Variants in OGG1 observed in about 807,000 individuals in gnomAD.
OGG1 encodes the protein N-glycosylase/DNA lyase.
A neutral mutation model predicts 42.3 loss-of-function variants in OGG1; 35 were observed. That is an observed-to-expected ratio of 0.83 (90% confidence interval 0.63 to 1.10). OGG1 has a LOEUF of 1.10. Among genes scored for constraint, OGG1 ranks in the 50% least tolerant of loss-of-function variants. OGG1 has a pLI of 0.00. For missense variants in OGG1, 484 were observed against 446.7 expected (o/e 1.08, Z -0.75); for synonymous variants, 189 against 179.0 (o/e 1.06, Z -0.44).
chr3:9,788,819 C>T (rs188219353), downstream of OGG1, among the ~76,000 whole-genome samples: 6 of 151,480 alleles, frequency 4.0e-5, no homozygotes, highest in South Asian at 2.1e-4. Context: ...GGATTACAGG[C>T]GTGAGGTGAC....
At chr3:9,756,702 A>G in intron 5 of OGG1, 65 bp from the exon 6 acceptor site, 1 of 1,613,538 alleles carries the variant, frequency 6.2e-7, no homozygotes, top group Non-Finnish European at 8.5e-7. Context: ...TCTCCCTCAG[A>G]CCCTACTTCT....
downstream of OGG1, chr3:9,761,439 A>C: frequency 6.2e-7 from 1 of 1,600,252 alleles, no homozygotes. Flanking sequence ...GCCACAGCCT[A>C]CCATGGCCAA....
intron 3 of OGG1, chr3:9,781,660 G>A (rs2078469157): frequency 2.3e-6 from 1 of 435,552 alleles, no homozygotes; most frequent in Admixed American, 2.4e-5. Context: ...TTTCATCGAT[G>A]GTGGAGCTGG....
Position 9,757,119 on chromosome 3 carries a change from G to T in OGG1, c.1007G>T (p.Arg336Leu). 6.2e-7 allele frequency: 1 copy of T among 1,614,100 alleles called. No homozygotes were observed. The highest frequency in any genetic ancestry group is 1.1e-5 in the South Asian group (1 of 91,088). Residue 336 changes from arginine to leucine, a missense_variant, in exon 7 of 7, where the codon CGC becomes CTC. Arg to Leu is a moderately radical substitution (Grantham distance 102). Coordinates refer to ENST00000344629, the MANE Select transcript of OGG1 (RefSeq NM_002542.6). The surrounding 1 kb of genome is among the most constrained non-coding windows in gnomAD (Gnocchi z 4.5). The part of the protein sequence containing the change: ...SRHAQEPPAK[R>L]RKGSKGPEG ...CATGCTCAGGAGCCACCAGCAAAGC[G>T]CAGAAAGGGTTCCAAAGGGCCGGAA... is the stretch of plus-strand genomic sequence containing the variant.
chr3:9,750,718 C>T (rs1559679492), intron 1 of OGG1: 7 of 680,644 alleles, frequency 1.0e-5, no homozygotes, highest in Non-Finnish European at 1.5e-5. Flanking sequence ...CCAGCCTCGA[C>T]CCCCCGGGCG....
At chr3:9,782,335 G>C (rs1464795369) in intron 3 of OGG1, among the ~76,000 whole-genome samples, 2 of 152,210 alleles carry the variant, frequency 1.3e-5, no homozygotes. Context: ...GTGACCTTCA[G>C]CAGAGCATTT....
downstream of OGG1, chr3:9,760,334 T>G (rs2077794304): frequency 3.6e-6 from 1 of 275,320 alleles, no homozygotes; most frequent in Non-Finnish European, 7.1e-6. Flanking sequence ...CAGGTTTGCT[T>G]CTTAATAGGG....
intron 3 of OGG1, chr3:9,785,325 T>C (rs199891591): frequency 4.5e-5 from 73 of 1,613,864 alleles, no homozygotes; most frequent in Non-Finnish European, 2.5e-6. Flanking sequence ...CCTGAAGGGC[T>C]TGTTCTGATT....
Position 9,751,937 on chromosome 3 carries a change from C to T in OGG1, c.553C>T (p.Gln185Ter), listed in dbSNP as rs752053757. 9 of 1,613,996 alleles carry T rather than the reference C, an allele frequency of 5.6e-6. No homozygotes were observed. The African/African-American group carries it at 1.1e-4, about 19-fold the overall frequency. Residue 185 changes from glutamine (Q) to a stop codon, truncating the protein, a stop_gained, in exon 3 of 7, where the codon CAG (glutamine) becomes TAG (stop). Transcript: ENST00000344629. LOFTEE classifies it high-confidence loss of function. ...DVTYHGFPSLQALAGPEVEAH... is the reference protein window; with the variant it reads ...DVTYHGFPSL The stretch of plus-strand genomic sequence containing the variant: ...CACCTACCATGGCTTCCCCAGCCTG[C>T]AGGCCCTGGCTGGTGAGTAGGTGGG...
At chr3:9,764,522 G>A (rs755260658) in intron 7 of OGG1, among the ~76,000 whole-genome samples, 4 of 151,750 alleles carry the variant, frequency 2.6e-5, no homozygotes, top group Non-Finnish European at 4.4e-5. Context: ...ATGTTGGTCA[G>A]GCTGGTTTGG....
rs2077249578 is a variant in OGG1, at chr3:9,750,487, G to C, written c.137+64G>C. Reference sequence around the variant, plus strand: ...GGCTCCTGCCGCCTCAACACTGCCTGGCATGGGGTACAAAGGAATTTGGGG... The same window carrying C: ...GGCTCCTGCCGCCTCAACACTGCCTCGCATGGGGTACAAAGGAATTTGGGG... On this transcript the variant is annotated intron_variant, in intron 1 of 6. Coordinates refer to ENST00000344629, the MANE Select transcript of OGG1 (RefSeq NM_002542.6). The C allele has an allele frequency of 3.1e-6, 5 of 1,604,850 alleles. No individual in the cohort carries two copies. In the South Asian group the frequency reaches 5.5e-5, roughly 18 times the overall value.
In OGG1 at chr3:9,780,382, C is replaced by T. The variant is rs937468169; in HGVS notation, c.295-1131C>T. ...CTACCCATCCAGCAGCTTCAGGATG[C>T]TCTCACGCTCCTTCAGAGTCTTCCA... On this transcript the variant is annotated intron_variant, in intron 2 of 3. Transcript: ENST00000426518. The T allele has an allele frequency of 2.5e-6, 4 of 1,613,206 alleles. No individual in the cohort carries two copies. The highest frequency in any genetic ancestry group is 1.7e-5 in the Admixed American group (1 of 59,898).
chr3:9,780,343 G>C, intron 2 of OGG1: 1 of 1,605,226 alleles, frequency 6.2e-7, no homozygotes, highest in Non-Finnish European at 8.5e-7. Flanking sequence ...ATCAGCCTGA[G>C]GCAGGGGTGA....
chr3:9,754,013 C>T (rs2077426168), intron 3 of OGG1, among the ~76,000 whole-genome samples: 1 of 152,096 alleles, frequency 6.6e-6, no homozygotes, highest in Non-Finnish European at 1.5e-5. Flanking sequence ...GTGACACAAG[C>T]CTGTAGTCTC....
At chr3:9,790,054 C>T (rs571164701), downstream of OGG1, 37 of 1,439,544 alleles carry the variant, frequency 2.6e-5, 1 homozygote, top group South Asian at 4.8e-4. Flanking sequence ...CTAGAATCTA[C>T]AGAGGCTCCT....
intron 3 of OGG1, among the ~76,000 whole-genome samples, chr3:9,752,529 C>CAAAAAA (rs144337359): frequency 1.9e-4 from 14 of 75,008 alleles, no homozygotes; most frequent in Admixed American, 6.2e-4. Flanking sequence ...GACTCTGTCT[C>CAAAAAA]AAAAAAAAAA....
chr3:9,766,158 G>A, exon 8 of OGG1: 1 of 962,694 alleles, frequency 1.0e-6, no homozygotes. Context: ...TGTTGAGCTG[G>A]TAGGATGTAA....
Position 9,751,918 on chromosome 3 carries a change from C to T in OGG1, c.534C>T (p.Tyr178=), listed in dbSNP as rs1246338693. The part of the protein sequence containing the change: ...PRLIQLDDVT[Y]HGFPSLQALA... Reference sequence around the variant, plus strand: ...TCATCCAGCTTGATGATGTCACCTACCATGGCTTCCCCAGCCTGCAGGCCC... The same window carrying T: ...TCATCCAGCTTGATGATGTCACCTATCATGGCTTCCCCAGCCTGCAGGCCC... The change falls in exon 3 of 7, where the codon TAC becomes TAT. Residue 178 remains tyrosine (Y), a synonymous_variant. Transcript: ENST00000344629. The T allele has an allele frequency of 5.0e-6, 8 of 1,614,070 alleles. No homozygotes were observed. Among genetic ancestry groups the T allele is most frequent in the Non-Finnish European group, 6.8e-6 (8 of 1,180,024 alleles).
rs748549471 is a variant in OGG1 at position 9,757,146 on chromosome 3, G to A, written c.1034G>A (p.Gly345Asp). The part of the protein sequence containing the change: ...KRRKGSKGPE[G>D] ...AGAAAGGGTTCCAAAGGGCCGGAAGGCTAGATGGGGCACCCTGGACAAAGA... is the reference window on the plus strand; with the variant it reads ...AGAAAGGGTTCCAAAGGGCCGGAAGACTAGATGGGGCACCCTGGACAAAGA... The change falls in exon 7 of 7, where the codon GGC becomes GAC. Residue 345 changes from glycine (G) to aspartate (D), a missense_variant. Gly to Asp is a moderately conservative substitution (Grantham distance 94). Coordinates refer to ENST00000344629, the MANE Select transcript of OGG1 (RefSeq NM_002542.6). This position sits in a 1 kb window ranked among gnomAD's most constrained non-coding sequence, Gnocchi z 4.5. 31 of 1,614,106 alleles carry A rather than the reference G, an allele frequency of 1.9e-5. No homozygotes were observed. The highest frequency in any genetic ancestry group is 2.5e-5 in the Non-Finnish European group (30 of 1,179,988).
Sources: gnomAD v4.1 joint callset for allele counts (sites outside exome capture counted in the v4.1 genomes callset) on GRCh38, gnomAD v4.1.1 for gene constraint, Gnocchi (gnomAD v3.1) non-coding constraint, MANE v1.5 for transcripts, NCBI Gene and HGNC (gene_info 2026-07-23, HGNC 2026-07-21) for gene names.